GOSR2: variants seen among roughly 807,000 people sequenced by gnomAD.
GOSR2 encodes the protein 27 kDa Golgi SNARE protein.
In GOSR2, 20 loss-of-function variants were observed where a neutral mutation model predicts 27.9. The observed-to-expected ratio is 0.72, with a 90% CI of 0.50 to 1.04. GOSR2 has a LOEUF of 1.04. Among genes scored for constraint, GOSR2 ranks in the 50% least tolerant of loss-of-function variants. GOSR2 has a pLI of 0.00. For synonymous variants in GOSR2, 91 were observed against 98.8 expected, an observed-to-expected ratio of 0.92 and a Z score of 0.47; for missense variants, 261 against 270.5, an observed-to-expected ratio of 0.97 and a Z score of 0.25.
At chr17:46,956,483 G>A (rs2090726695) in intron 6 of GOSR2, among the ~76,000 whole-genome samples, 1 of 151,850 alleles carries the variant, frequency 6.6e-6, no homozygotes. Flanking sequence ...CTTAGTAGAG[G>A]CAGGGTTTCT....
In GOSR2 at chr17:46,923,226, G is replaced by C; in HGVS notation, c.29+5G>C. 2 of 1,551,048 alleles carry C rather than the reference G, an allele frequency of 1.3e-6. No homozygotes were observed. The highest frequency in any genetic ancestry group is 1.7e-6 in the Non-Finnish European group (2 of 1,146,520). ...CCTGTTCCAGCAAACGCACAAGTGAGGGCCGGTCGGGGAGCGGGCAGGGGC... is the reference window on the plus strand; with the variant it reads ...CCTGTTCCAGCAAACGCACAAGTGACGGCCGGTCGGGGAGCGGGCAGGGGC... On this transcript the variant is annotated splice_donor_5th_base_variant and intron_variant, in intron 1 of 5. Transcript: ENST00000640051.
chr17:46,956,516 A>G (rs935014445), intron 6 of GOSR2, among the ~76,000 whole-genome samples: 12 of 152,150 alleles, frequency 7.9e-5, no homozygotes, highest in Non-Finnish European at 1.8e-4. Context: ...TGGCCAGGCT[A>G]GTCTCAAACT....
At chr17:46,923,345 T>C in intron 1 of GOSR2, 124 bp downstream of exon 1, 1 of 1,523,090 alleles carries the variant, frequency 6.6e-7, no homozygotes, top group Non-Finnish European at 8.8e-7. Flanking sequence ...AGGGCACTGC[T>C]GGGGATGCCT....
At chr17:46,962,630 A>G (rs758852648) in intron 6 of GOSR2, among the ~76,000 whole-genome samples, 1 of 152,220 alleles carries the variant, frequency 6.6e-6, no homozygotes, top group African/African-American at 2.4e-5. Context: ...CCATGAGTTG[A>G]TAAGGAGAGG....
At chr17:46,931,993 G>A in intron 3 of GOSR2, 74 bp from the exon 4 acceptor site, 1 of 1,372,590 alleles carries the variant, frequency 7.3e-7, no homozygotes, top group Non-Finnish European at 1.0e-6. Flanking sequence ...TCTTTCCTCA[G>A]TACAAAGCCT....
At chr17:46,962,700 G>A (rs1599238147) in intron 6 of GOSR2, among the ~76,000 whole-genome samples, 1 of 152,326 alleles carries the variant, frequency 6.6e-6, no homozygotes, top group East Asian at 1.9e-4. Flanking sequence ...CAAGGTGCCA[G>A]ACACTCTAGC....
rs2088991069 is a variant in GOSR2 at position 46,939,713 on chromosome 17, C to T, written c.*953C>T. The T allele has an allele frequency of 2.0e-6, 2 of 985,700 alleles. No homozygotes were observed. The highest frequency in any genetic ancestry group is 2.4e-6 in the Non-Finnish European group (2 of 830,216). The allele number at this position is 985,700 out of a possible 1,614,324, so 61.1% of individuals were successfully genotyped here. ...GCCCAGCCAGTGTGGGCAGATCCCA[C>T]CGTGGAGACATCTGTAGTGTGTATG... On this transcript the variant is annotated 3_prime_UTR_variant, in exon 6 of 6. Transcript: ENST00000640051.
chr17:46,941,294 A>G lies in GOSR2; in HGVS notation c.*2534A>G, dbSNP rs1242751378. On this transcript the variant is annotated 3_prime_UTR_variant, in exon 6 of 6. Transcript: ENST00000640051. Reference sequence around the variant, plus strand: ...GAATTTGAATGGGTTTGATTTGCAAATTTGGATTTACACCCATTGTTTTGG... The same window carrying G: ...GAATTTGAATGGGTTTGATTTGCAAGTTTGGATTTACACCCATTGTTTTGG... The G allele has an allele frequency of 2.0e-6, 2 of 985,734 alleles. No individual in the cohort carries two copies. The highest frequency in any genetic ancestry group is 6.1e-5 in the Admixed American group (1 of 16,342). The allele number at this position is 985,734 out of a possible 1,614,324, so 61.1% of individuals were successfully genotyped here.
downstream of GOSR2, among the ~76,000 whole-genome samples, chr17:46,943,084 G>T (rs1403970854): frequency 6.6e-6 from 1 of 152,176 alleles, no homozygotes; most frequent in African/African-American, 2.4e-5. Context: ...TGCCCAAGGC[G>T]ATTGTAATGC....
chr17:46,969,830 T>C (rs140522761), downstream of GOSR2, among the ~76,000 whole-genome samples: 379 of 152,242 alleles, frequency 2.5e-3, 3 homozygotes, highest in African/African-American at 8.0e-3. Context: ...AACTCTCCCA[T>C]TGCAAGAGAG....
At chr17:46,948,973 C>T (rs771025637) in intron 6 of GOSR2, 1 of 152,222 alleles carries the variant, frequency 6.6e-6, no homozygotes, top group Non-Finnish European at 1.5e-5. Context: ...AGGTGCCAGT[C>T]ACGGGACTGG....
At chr17:46,925,370 C>T (rs1274765388) in intron 1 of GOSR2, among the ~76,000 whole-genome samples, 1 of 152,248 alleles carries the variant, frequency 6.6e-6, no homozygotes, top group Non-Finnish European at 1.5e-5. Context: ...TGAGCACCTA[C>T]TATGTGCTGT....
intron 5 of GOSR2, among the ~76,000 whole-genome samples, chr17:46,938,361 G>A (rs1027384098): frequency 3.9e-5 from 6 of 152,070 alleles, no homozygotes; most frequent in East Asian, 3.8e-4. Context: ...ATAGTCAGTC[G>A]TTCCAGCACC....
At chr17:46,975,563 A>G (rs1439268102), downstream of GOSR2, 3 of 152,238 alleles carry the variant, frequency 2.0e-5, no homozygotes, top group Non-Finnish European at 4.4e-5. Flanking sequence ...CCTGGGGAGA[A>G]CTAAGACGGT....
chr17:46,966,540 G>A (rs1431339829), exon 7 of GOSR2: 1 of 693,418 alleles, frequency 1.4e-6, no homozygotes, highest in Admixed American at 2.0e-5. Context: ...GCAGAGACAA[G>A]GTCTCACCAT....
downstream of GOSR2, among the ~76,000 whole-genome samples, chr17:46,967,293 T>TGTGGCTGCACAA (rs1271206387): frequency 6.6e-6 from 1 of 152,226 alleles, no homozygotes; most frequent in African/African-American, 2.4e-5. Flanking sequence ...ACAAGTCTCT[T>TGTGGCTGCACAA]ACCCTTGCTG....
rs559025818 is a variant in GOSR2 at position 46,959,850 on chromosome 17, G to C, written c.584-6684G>C. Among the ~76,000 whole-genome samples, 3 of 152,286 alleles carry C rather than the reference G, an allele frequency of 2.0e-5. No homozygotes were observed. In the East Asian group the frequency reaches 5.8e-4, roughly 29 times the overall value. ...AGCCATTCTTCCCACCACTGGAGCT[G>C]ACTTTCTTCCCTCTCCTGGACTGAG... On this transcript the variant is annotated intron_variant, in intron 6 of 6. Coordinates refer to the GOSR2 transcript ENST00000573224.
chr17:46,943,590 G>T (rs2089549739), downstream of GOSR2, among the ~76,000 whole-genome samples: 1 of 152,210 alleles, frequency 6.6e-6, no homozygotes, highest in Non-Finnish European at 1.5e-5. Flanking sequence ...CACCGCAGGG[G>T]CCTTTGTGCA....
chr17:46,925,183 CTG>C lies in GOSR2; in HGVS notation c.29+1964_29+1965del, dbSNP rs571072423. The stretch of plus-strand genomic sequence containing the variant: ...TTAGGCTCTGTGGGCTATACGGTCT[CTG>C]TAGTTACTACTCTGCTGTTATATTG... On this transcript the variant is annotated intron_variant, in intron 1 of 5. Transcript: ENST00000640051. Among the ~76,000 whole-genome samples, 35 of 152,294 alleles carry C rather than the reference CTG, an allele frequency of 2.3e-4. No individual in the cohort carries two copies. In the East Asian group the frequency reaches 6.4e-3, roughly 28 times the overall value.
Sources: allele counts gnomAD v4.1 joint callset (sites outside exome capture counted in the v4.1 genomes callset), GRCh38; gene constraint gnomAD v4.1.1; transcripts MANE v1.5; gene names NCBI Gene and HGNC (gene_info 2026-07-23, HGNC 2026-07-21).